The following MARCHF3 variants were observed in gnomAD, a reference collection of about 807,000 sequenced individuals.
MARCHF3 encodes the protein membrane associated ring-CH-type finger 3, also known as E3 ubiquitin-protein ligase MARCHF3.
In MARCHF3, 13 loss-of-function variants were observed where a neutral mutation model predicts 24.2. That is an observed-to-expected ratio of 0.54 (90% CI 0.35 to 0.85). MARCHF3 has a LOEUF of 0.85. Ranked by LOEUF, MARCHF3 falls within the 40% of genes least tolerant of loss-of-function variation. The pLI is 0.01. For synonymous variants in MARCHF3, 144 were observed against 137.3 expected (o/e 1.05, Z -0.34); for missense variants, 276 against 325.0 (o/e 0.85, Z 1.16).
intron 2 of MARCHF3, among the ~76,000 whole-genome samples, chr5:126,916,205 A>G (rs1312279983): frequency 6.6e-6 from 1 of 152,164 alleles, no homozygotes; most frequent in Non-Finnish European, 1.5e-5. Context: ...CTGGGAGAGG[A>G]CCATGCCTCT....
intron 3 of MARCHF3, among the ~76,000 whole-genome samples, chr5:126,892,984 T>G (rs1465736308): frequency 2.0e-5 from 3 of 151,830 alleles, no homozygotes; most frequent in Admixed American, 6.6e-5. Flanking sequence ...ATTGGTCTAT[T>G]CAGAGATTCA....
At chr5:126,911,266 C>T (rs1754521816) in intron 3 of MARCHF3, among the ~76,000 whole-genome samples, 1 of 152,148 alleles carries the variant, frequency 6.6e-6, no homozygotes, top group South Asian at 2.1e-4. Context: ...CTGTGACCCA[C>T]ACCCTTTTCG....
chr5:126,873,272 T>C (rs1005418302), intron 4 of MARCHF3, among the ~76,000 whole-genome samples: 2 of 152,162 alleles, frequency 1.3e-5, no homozygotes, highest in South Asian at 2.1e-4. Context: ...TGAATAATGA[T>C]ATTTGATGTA....
chr5:126,870,164 A>C lies in MARCHF3; in HGVS notation c.*469T>G, dbSNP rs1203001119. On this transcript the variant is annotated 3_prime_UTR_variant, in exon 5 of 5. Coordinates refer to ENST00000308660, the MANE Select transcript of MARCHF3 (RefSeq NM_178450.5). ...GCTACCAAAGTACCCCAAAGAATCC[A>C]TACGAGAAACTGAGAAACAAACTAA... is the stretch of plus-strand genomic sequence containing the variant. 1 of 152,788 alleles carries C rather than the reference A, an allele frequency of 6.5e-6. No individual in the cohort carries two copies. Among genetic ancestry groups the C allele is most frequent in the Non-Finnish European group, 1.5e-5 (1 of 68,164 alleles). The allele number at this position is 152,788 out of a possible 1,614,324, so 9.5% of individuals were successfully genotyped here. A position where few individuals can be genotyped will look rare whatever the true frequency, so the allele number is the denominator to read the frequency against.
rs545279163 is a variant in MARCHF3, at chr5:127,007,357, A to G, written c.-57+22993T>C. On this transcript the variant is annotated intron_variant, in intron 1 of 4. Coordinates refer to ENST00000308660, the MANE Select transcript of MARCHF3 (RefSeq NM_178450.5). The stretch of plus-strand genomic sequence containing the variant: ...AACTTGCATACAAGTAAAAAAAAAA[A>G]AACCTTAAAAGAGGTTTCAAAACAC... Among the ~76,000 whole-genome samples, 12 of 152,050 alleles carry G rather than the reference A, an allele frequency of 7.9e-5. No individual in the cohort carries two copies. In the East Asian group the frequency reaches 2.3e-3, roughly 29 times the overall value.
chr5:127,022,270 G>A (rs1315546663), intron 1 of MARCHF3, among the ~76,000 whole-genome samples: 1 of 152,186 alleles, frequency 6.6e-6, no homozygotes, highest in Non-Finnish European at 1.5e-5. Context: ...CAAGTCCTTT[G>A]AGAATGGTCA....
chr5:126,875,176 A>G (rs1359186223), intron 4 of MARCHF3, among the ~76,000 whole-genome samples: 2 of 152,158 alleles, frequency 1.3e-5, no homozygotes, highest in African/African-American at 2.4e-5. Flanking sequence ...CACTTGTGAC[A>G]TGGACAGTGA....
chr5:126,943,354 G>A (rs1749896358), intron 1 of MARCHF3, among the ~76,000 whole-genome samples: 1 of 152,050 alleles, frequency 6.6e-6, no homozygotes, highest in Non-Finnish European at 1.5e-5. Flanking sequence ...AAAGTGGGAG[G>A]ATTGTTTGAG....
intron 1 of MARCHF3, among the ~76,000 whole-genome samples, chr5:127,007,433 T>C (rs1752344470): frequency 6.6e-6 from 1 of 152,046 alleles, no homozygotes; most frequent in African/African-American, 2.4e-5. Context: ...ATTTAAACAT[T>C]GATGAAAAAT....
intron 1 of MARCHF3, among the ~76,000 whole-genome samples, chr5:127,026,003 G>T (rs1274830671): frequency 2.6e-5 from 4 of 151,776 alleles, no homozygotes; most frequent in Non-Finnish European, 5.9e-5. Context: ...TTTACAAGGA[G>T]ATTTTGCTAT....
chr5:126,871,997 C>A (rs1441760301), intron 4 of MARCHF3, among the ~76,000 whole-genome samples: 1 of 151,698 alleles, frequency 6.6e-6, no homozygotes, highest in Non-Finnish European at 1.5e-5. Context: ...AGGCGTGAGC[C>A]ACTGTGTCCT....
chr5:126,873,583 C>G (rs1487056627), intron 4 of MARCHF3, among the ~76,000 whole-genome samples: 1 of 152,122 alleles, frequency 6.6e-6, no homozygotes, highest in Non-Finnish European at 1.5e-5. Flanking sequence ...AACAAGACCC[C>G]CAGGTGATCC....
At chr5:127,023,733 AAAATAAAT>A (rs147240868) in intron 1 of MARCHF3, among the ~76,000 whole-genome samples, 51,521 of 141,184 alleles carry the variant, frequency 0.36, 10,352 homozygotes, top group Middle Eastern at 0.51. Flanking sequence ...TCTGTCTCAA[AAAATAAAT>A]AAATAAATAA....
chr5:126,908,486 AT>A (rs1296150104), intron 3 of MARCHF3, among the ~76,000 whole-genome samples: 3 of 152,162 alleles, frequency 2.0e-5, no homozygotes, highest in African/African-American at 7.2e-5. Context: ...GTCTTTTCAC[AT>A]AGTCCCATAT....
intron 1 of MARCHF3, among the ~76,000 whole-genome samples, chr5:126,944,897 C>T (rs1749957241): frequency 6.6e-6 from 1 of 152,198 alleles, no homozygotes; most frequent in South Asian, 2.1e-4. Flanking sequence ...ATTTTTATTA[C>T]ATATAGCCCT....
intron 1 of MARCHF3, among the ~76,000 whole-genome samples, chr5:127,023,729 T>C (rs1289147977): frequency 7.9e-6 from 1 of 127,146 alleles, no homozygotes; most frequent in Non-Finnish European, 1.7e-5. Context: ...AGATTCTGTC[T>C]CAAAAAATAA....
chr5:126,906,520 T>A (rs949404426), intron 3 of MARCHF3, among the ~76,000 whole-genome samples: 2 of 152,238 alleles, frequency 1.3e-5, no homozygotes, highest in African/African-American at 2.4e-5. Flanking sequence ...ATGCAGAGAT[T>A]CAACTTCTTC....
chr5:126,988,925 A>T (rs1401081367), intron 1 of MARCHF3, among the ~76,000 whole-genome samples: 1 of 152,200 alleles, frequency 6.6e-6, no homozygotes, highest in Non-Finnish European at 1.5e-5. Flanking sequence ...AATAAAGAAA[A>T]GATGTTTCTT....
intron 3 of MARCHF3, among the ~76,000 whole-genome samples, chr5:126,910,036 C>CAGCT (rs1561421047): frequency 6.6e-6 from 1 of 152,198 alleles, no homozygotes; most frequent in Non-Finnish European, 1.5e-5. Flanking sequence ...TCTTATCAAT[C>CAGCT]AGCTGGTTGT....
Sources: gnomAD v4.1 joint callset for allele counts (sites outside exome capture counted in the v4.1 genomes callset) on GRCh38, gnomAD v4.1.1 for gene constraint, MANE v1.5 for transcripts, NCBI Gene and HGNC (gene_info 2026-07-23, HGNC 2026-07-21) for gene names.